Variants in C10orf90 observed in about 807,000 individuals in gnomAD.
C10orf90 encodes the protein chromosome 10 open reading frame 90.
In C10orf90, 56 loss-of-function variants were observed where a neutral mutation model predicts 62.5. The observed-to-expected ratio is 0.90, with a 90% CI of 0.72 to 1.12. C10orf90 has a LOEUF of 1.12. Among genes scored for constraint, C10orf90 ranks in the 50% most tolerant of loss-of-function variants. C10orf90 has a pLI of 0.00. For missense variants in C10orf90, 970 were observed against 880.4 expected, an observed-to-expected ratio of 1.10 and a Z score of -1.29; for synonymous variants, 386 against 340.4, an observed-to-expected ratio of 1.13 and a Z score of -1.47.
At chr10:126,640,363 T>G (rs1340652160) in intron 2 of C10orf90, among the ~76,000 whole-genome samples, 3 of 152,234 alleles carry the variant, frequency 2.0e-5, no homozygotes, top group Non-Finnish European at 4.4e-5. Flanking sequence ...ATTCCCACCC[T>G]GCTCCGCAGG....
intron 2 of C10orf90, among the ~76,000 whole-genome samples, chr10:126,617,994 T>A (rs1187100460): frequency 6.6e-6 from 1 of 152,188 alleles, no homozygotes; most frequent in East Asian, 1.9e-4. Context: ...GTGCCCATAA[T>A]GGATGAGGCC....
intron 2 of C10orf90, chr10:126,520,292 T>C (rs1459364844): frequency 6.6e-6 from 1 of 152,200 alleles, no homozygotes; most frequent in African/African-American, 2.4e-5. Context: ...CTTCTTGACA[T>C]TGCCAGTTTG....
intron 4 of C10orf90, among the ~76,000 whole-genome samples, chr10:126,487,679 T>G (rs1166260570): frequency 6.6e-6 from 1 of 152,146 alleles, no homozygotes; most frequent in Non-Finnish European, 1.5e-5. Context: ...TCCACTTTGA[T>G]GCACCACCAA....
chr10:126,645,405 CAA>C, intron 2 of C10orf90, among the ~76,000 whole-genome samples: 1 of 28,484 alleles, frequency 3.5e-5, no homozygotes. Context: ...CCCTCTCTAC[CAA>C]ACAAACAAAC....
At chr10:126,601,736 A>T (rs1357228378) in intron 2 of C10orf90, among the ~76,000 whole-genome samples, 1 of 152,248 alleles carries the variant, frequency 6.6e-6, no homozygotes, top group East Asian at 1.9e-4. Context: ...CTGGACCCAG[A>T]ATAACCAGCA....
chr10:126,433,883 A>G lies in C10orf90; in HGVS notation c.2189-4033T>C, dbSNP rs140353045. Among the ~76,000 whole-genome samples, 22 of 152,276 alleles carry G rather than the reference A, an allele frequency of 1.4e-4. 1 individual carries two copies. In the East Asian group the frequency reaches 4.1e-3, roughly 28 times the overall value. ...TTTTCCTTGAAGTTTCATGTGTTCTAATTCCCTGATATGGAGGGAAGAGAC... is the reference window on the plus strand; with the variant it reads ...TTTTCCTTGAAGTTTCATGTGTTCTGATTCCCTGATATGGAGGGAAGAGAC... On this transcript the variant is annotated intron_variant, in intron 7 of 9. Coordinates refer to ENST00000488181, the MANE Select transcript of C10orf90 (RefSeq NM_001350921.2).
At chr10:126,543,687 C>A (rs910408379) in intron 2 of C10orf90, among the ~76,000 whole-genome samples, 2 of 152,188 alleles carry the variant, frequency 1.3e-5, no homozygotes, top group Non-Finnish European at 2.9e-5. Context: ...TTCTCCATGC[C>A]TATGCTTTCT....
At chr10:126,564,030 G>A (rs150449753) in intron 2 of C10orf90, among the ~76,000 whole-genome samples, 253 of 152,232 alleles carry the variant, frequency 1.7e-3, no homozygotes, top group African/African-American at 5.8e-3. Flanking sequence ...CTGGATGCCC[G>A]TAGTCCCCAT....
At position 126,504,118 on chromosome 10, in the gene C10orf90, G is replaced by A. The variant is rs777302958; in HGVS notation, c.1373C>T (p.Pro458Leu). The change falls in exon 4 of 10, where the codon CCT (proline) becomes CTT (leucine). Residue 458 changes from proline to leucine, a missense_variant. Pro to Leu is a moderately conservative substitution (Grantham distance 98). Transcript: ENST00000488181. This position sits in a 1 kb window ranked among gnomAD's most constrained non-coding sequence, Gnocchi z 4.1. ...TTCCAATGGAAAAGAACCACTCCAA[G>A]GACAAGCGCCGGTCCCCAAATGCAC... is the stretch of plus-strand genomic sequence containing the variant. ...RRVHLGTGAC[P>L]WSGSFPLENT... is the part of the protein sequence containing the mutation. The A allele has an allele frequency of 1.2e-6, 2 of 1,614,002 alleles. No homozygotes were observed. The highest frequency in any genetic ancestry group is 1.7e-5 in the Admixed American group (1 of 59,984).
At chr10:126,463,268 C>G (rs1051891748) in intron 5 of C10orf90, 8 of 152,444 alleles carry the variant, frequency 5.2e-5, no homozygotes, top group African/African-American at 1.9e-4. Flanking sequence ...AGACCCATCC[C>G]TGGATCCTGA....
intron 4 of C10orf90, among the ~76,000 whole-genome samples, chr10:126,500,034 C>A (rs1243672122): frequency 1.3e-5 from 2 of 152,214 alleles, no homozygotes; most frequent in African/African-American, 4.8e-5. Flanking sequence ...CAGACCACCA[C>A]AAAGAACTGG....
intron 7 of C10orf90, among the ~76,000 whole-genome samples, chr10:126,445,537 G>T (rs549762187): frequency 1.3e-5 from 2 of 152,060 alleles, no homozygotes; most frequent in East Asian, 3.9e-4. Context: ...TGGATGCAGT[G>T]ATCAAGGAAC....
At position 126,442,646 on chromosome 10, in the gene C10orf90, T is replaced by TAC. The variant is rs1282580750; in HGVS notation, c.2189-12797_2189-12796insGT. On this transcript the variant is annotated intron_variant, in intron 7 of 9. Transcript: ENST00000488181. Reference sequence around the variant, plus strand: ...TATTGTGTGTGTGTATATATATATATATATATATATATATATATATATATA... The same window carrying TAC: ...TATTGTGTGTGTGTATATATATATATACATATATATATATATATATATATATA... Among the ~76,000 whole-genome samples, 3 of 22,440 alleles carry TAC rather than the reference T, an allele frequency of 1.3e-4. No individual in the cohort carries two copies. The East Asian group carries it at 4.6e-3, about 34-fold the overall frequency. 14.7% of individuals were successfully genotyped at this position (22,440 alleles called of 152,430 possible).
intron 2 of C10orf90, chr10:126,521,452 T>TC: frequency 1.3e-6 from 2 of 1,514,898 alleles, no homozygotes; most frequent in Non-Finnish European, 1.8e-6. Flanking sequence ...GAGTCAGGCT[T>TC]CCACCTTCCA....
At chr10:126,587,144 G>T (rs923286613) in intron 2 of C10orf90, among the ~76,000 whole-genome samples, 1 of 152,086 alleles carries the variant, frequency 6.6e-6, no homozygotes. Context: ...ATGACATCAC[G>T]ACAGGGACAT....
At position 126,670,490 on chromosome 10, in the gene C10orf90, T is replaced by C. The variant is rs1293738619; in HGVS notation, c.-10A>G. 8.8e-6 allele frequency: 4 copies of C among 456,182 alleles called. No homozygotes were observed. The highest frequency in any genetic ancestry group is 2.0e-5 in the African/African-American group (1 of 50,026). 28.3% of individuals were successfully genotyped at this position (456,182 alleles called of 1,614,324 possible). ...TTCCAGAGTGCTGCATGAGACTCAG[T>C]ATCTTGTGACTTTAGCTAGTGAGAC... is the stretch of plus-strand genomic sequence containing the variant. On this transcript the variant is annotated 5_prime_UTR_variant, in exon 1 of 10. It adds an upstream start codon to the 5' untranslated region. Transcript: ENST00000488181.
At chr10:126,439,405 A>G (rs1162252551) in intron 7 of C10orf90, among the ~76,000 whole-genome samples, 2 of 152,206 alleles carry the variant, frequency 1.3e-5, no homozygotes, top group African/African-American at 4.8e-5. Flanking sequence ...AACAAAACAG[A>G]AAAACAACAA....
intron 2 of C10orf90, among the ~76,000 whole-genome samples, chr10:126,604,097 G>A (rs2576016): frequency 6.6e-6 from 1 of 152,132 alleles, no homozygotes; most frequent in Non-Finnish European, 1.5e-5. Context: ...GTTCCTGCCC[G>A]GAGGCTTCCC....
chr10:126,524,111 T>C (rs2133945916), intron 2 of C10orf90, among the ~76,000 whole-genome samples: 1 of 152,340 alleles, frequency 6.6e-6, no homozygotes, highest in South Asian at 2.1e-4. Context: ...TTCTTGATCT[T>C]ATTATATAAT....
Sources: gnomAD v4.1 joint callset for allele counts (sites outside exome capture counted in the v4.1 genomes callset) on GRCh38, gnomAD v4.1.1 for gene constraint, Gnocchi (gnomAD v3.1) non-coding constraint, MANE v1.5 for transcripts, NCBI Gene and HGNC (gene_info 2026-07-23, HGNC 2026-07-21) for gene names.